EXOC4: variants seen among roughly 807,000 people sequenced by gnomAD.
EXOC4 encodes SEC8-like 1.
A neutral mutation model predicts 107.2 loss-of-function variants in EXOC4; 71 were observed. That is an observed-to-expected ratio of 0.66 (90% CI 0.55 to 0.81). EXOC4 has a LOEUF of 0.81. EXOC4 is among the 30% of genes least tolerant of loss of function. The pLI is 0.00. For missense variants in EXOC4, 1,108 were observed against 1,189.6 expected (o/e 0.93, Z 1.01); for synonymous variants, 456 against 441.2 (o/e 1.03, Z -0.42).
chr7:133,399,665 G>T (rs764723816), intron 7 of EXOC4, among the ~76,000 whole-genome samples: 3 of 152,214 alleles, frequency 2.0e-5, no homozygotes, highest in African/African-American at 7.2e-5. Flanking sequence ...AAGATATACT[G>T]TTGGACATCA....
At position 133,737,909 on chromosome 7, in the gene EXOC4, C is replaced by CTTTTTTTTTTT. The variant is rs10673346; in HGVS notation, c.1515-79406_1515-79396dup. ...TTTTTGTGCCTCTTGATTTTTCTTT[C>CTTTTTTTTTTT]TTTTTTTTTTTTTTTTTTTTGAGAC... On this transcript the variant is annotated intron_variant, in intron 10 of 17. Transcript: ENST00000253861. Among the ~76,000 whole-genome samples, 24 of 89,314 alleles carry CTTTTTTTTTTT rather than the reference C, an allele frequency of 2.7e-4. 1 individual carries two copies. Among genetic ancestry groups the CTTTTTTTTTTT allele is most frequent in the Non-Finnish European group, 3.6e-4 (18 of 49,584 alleles). The allele number at this position is 89,314 out of a possible 152,430, so 58.6% of individuals were successfully genotyped here.
In EXOC4 at chr7:133,363,624, A is replaced by C. The variant is rs1019886888; in HGVS notation, c.1007+7051A>C. Among the ~76,000 whole-genome samples the C allele has an allele frequency of 1.8e-4, 27 of 152,046 alleles. 1 individual carries two copies. The highest frequency in any genetic ancestry group is 3.2e-4 in the Non-Finnish European group (22 of 67,986). ...GTGGCAAAGTTAAAAAAAAAAAAAA[A>C]AAAAACCTACTCTCGATTTCTCTTG... On this transcript the variant is annotated intron_variant, in intron 6 of 17. Coordinates refer to ENST00000253861, the MANE Select transcript of EXOC4 (RefSeq NM_021807.4).
the EXOC4 span, among the ~76,000 whole-genome samples, chr7:134,072,895 C>T: frequency 4.6e-5 from 7 of 151,968 alleles, no homozygotes; most frequent in Non-Finnish European, 8.8e-5. Flanking sequence ...CCGCTTACAG[C>T]GCTTCTTGGT....
intron 12 of EXOC4, among the ~76,000 whole-genome samples, chr7:133,897,247 ATGG>A (rs199587368): frequency 0.15 from 23,127 of 151,930 alleles, 2,101 homozygotes; most frequent in African/African-American, 0.24. Context: ...CCACAGTTAC[ATGG>A]ACAAATTAAA....
intron 10 of EXOC4, among the ~76,000 whole-genome samples, chr7:133,654,337 C>T (rs116878750): frequency 0.018 from 2,809 of 152,126 alleles, 32 homozygotes; most frequent in Admixed American, 0.028. Context: ...ACTGAACTTC[C>T]CTAAGCCTCA....
rs540510903 is a variant in EXOC4 at position 133,338,357 on chromosome 7, G to A, written c.764-17973G>A. 2.0e-4 allele frequency among the ~76,000 whole-genome samples: 31 copies of A among 151,262 alleles called. No homozygotes were observed. In the East Asian group the frequency reaches 6.0e-3, roughly 29 times the overall value. Reference sequence around the variant, plus strand: ...GCCTGTAATCCCAGCACTTTGGGAGGCCGAGGCGGGTGGATCATGAGGTCA... The same window carrying A: ...GCCTGTAATCCCAGCACTTTGGGAGACCGAGGCGGGTGGATCATGAGGTCA... On this transcript the variant is annotated intron_variant, in intron 5 of 17. Transcript: ENST00000253861.
the EXOC4 span, among the ~76,000 whole-genome samples, chr7:134,084,318 T>C: frequency 4.6e-5 from 7 of 152,220 alleles, no homozygotes; most frequent in African/African-American, 1.4e-4. Flanking sequence ...TGAAGAGATA[T>C]AGCTCTTGCC....
At chr7:134,072,862 T>C in the EXOC4 span, among the ~76,000 whole-genome samples, 1 of 152,074 alleles carries the variant, frequency 6.6e-6, no homozygotes, top group Non-Finnish European at 1.5e-5. Context: ...AAGCCTGCTG[T>C]GTTGAAGTGT....
intron 11 of EXOC4, among the ~76,000 whole-genome samples, chr7:133,857,842 C>T (rs1355588972): frequency 1.3e-5 from 2 of 152,106 alleles, no homozygotes; most frequent in East Asian, 3.9e-4. Flanking sequence ...CTCTCATTTC[C>T]ACCACCCACA....
At chr7:133,841,669 C>T (rs575981393) in intron 11 of EXOC4, among the ~76,000 whole-genome samples, 12 of 152,232 alleles carry the variant, frequency 7.9e-5, no homozygotes, top group Admixed American at 4.6e-4. Flanking sequence ...TCTTTTTAAA[C>T]TGTTATTTTA....
rs570525943 is a variant in EXOC4 at position 133,997,247 on chromosome 7, G to T, written c.2207-245G>T. On this transcript the variant is annotated intron_variant, in intron 14 of 17. Transcript: ENST00000253861. ...TGGTGCAAAAGTAATTATGGTTTTT[G>T]ACATTGAAAGTAATACTTTTGCACC... is the stretch of plus-strand genomic sequence containing the variant. 7.9e-5 allele frequency among the ~76,000 whole-genome samples: 12 copies of T among 152,270 alleles called. No individual in the cohort carries two copies. In the South Asian group the frequency reaches 2.5e-3, roughly 32 times the overall value.
At chr7:133,702,362 A>G (rs1202270958) in intron 10 of EXOC4, among the ~76,000 whole-genome samples, 3 of 286 alleles carry the variant, frequency 0.01, no homozygotes, top group Non-Finnish European at 9.8e-3. Context: ...CCATCTTGAC[A>G]AGGTCTCACG....
At chr7:133,826,586 A>G (rs975460476) in intron 11 of EXOC4, among the ~76,000 whole-genome samples, 4 of 152,164 alleles carry the variant, frequency 2.6e-5, no homozygotes, top group Admixed American at 2.6e-4. Flanking sequence ...AGTCTTCTAC[A>G]TATTGATCTG....
chr7:133,339,413 T>C, intron 5 of EXOC4, among the ~76,000 whole-genome samples: 1 of 152,244 alleles, frequency 6.6e-6, no homozygotes, highest in East Asian at 1.9e-4. Flanking sequence ...GACTATGGCT[T>C]TACAGTATAG....
At chr7:133,994,592 T>C (rs1251938610) in intron 14 of EXOC4, among the ~76,000 whole-genome samples, 2 of 152,208 alleles carry the variant, frequency 1.3e-5, no homozygotes, top group Non-Finnish European at 2.9e-5. Flanking sequence ...TGATCTGATG[T>C]CATCCATCCC....
At chr7:133,564,540 T>C (rs892379223) in intron 9 of EXOC4, among the ~76,000 whole-genome samples, 4 of 152,080 alleles carry the variant, frequency 2.6e-5, no homozygotes, top group African/African-American at 9.7e-5. Flanking sequence ...TTATTTTAAA[T>C]TGGAAATGAA....
At chr7:133,659,150 A>C (rs189675488) in intron 10 of EXOC4, among the ~76,000 whole-genome samples, 3 of 152,078 alleles carry the variant, frequency 2.0e-5, no homozygotes, top group African/African-American at 7.2e-5. Flanking sequence ...TAATAGAGAC[A>C]TAGACTGTGA....
chr7:133,833,972 T>A (rs1346524842), intron 11 of EXOC4, among the ~76,000 whole-genome samples: 2 of 152,012 alleles, frequency 1.3e-5, no homozygotes, highest in Non-Finnish European at 2.9e-5. Context: ...AGAAGTATGT[T>A]TACCGCCTAG....
chr7:133,835,434 G>T (rs139215484), intron 11 of EXOC4, among the ~76,000 whole-genome samples: 1 of 150,390 alleles, frequency 6.6e-6, no homozygotes, highest in Non-Finnish European at 1.5e-5. Flanking sequence ...GAAGTGGGAC[G>T]GGGCTTTGTG....
Sources: allele counts gnomAD v4.1 joint callset (sites outside exome capture counted in the v4.1 genomes callset), GRCh38; gene constraint gnomAD v4.1.1; transcripts MANE v1.5; gene names NCBI Gene and HGNC (gene_info 2026-07-23, HGNC 2026-07-21).